The following USP44 variants were observed in gnomAD, a reference collection of about 807,000 sequenced individuals.
USP44 encodes ubiquitin carboxyl-terminal hydrolase 44.
A neutral mutation model predicts 69.0 loss-of-function variants in USP44; 61 were observed. That is an observed-to-expected ratio of 0.88 (90% CI 0.72 to 1.09). USP44 has a LOEUF of 1.09. Among genes scored for constraint, USP44 ranks in the 50% least tolerant of loss-of-function variants. The pLI is 0.00. For synonymous variants in USP44, 297 were observed against 295.4 expected, an observed-to-expected ratio of 1.01 and a Z score of -0.06; for missense variants, 753 against 849.9, an observed-to-expected ratio of 0.89 and a Z score of 1.42.
Position 95,533,361 on chromosome 12 carries a change from T to C in USP44, c.896A>G (p.Gln299Arg), listed in dbSNP as rs751343983. Residue 299 changes from glutamine (Q) to arginine (R), a missense_variant, in exon 2 of 6, where the codon CAA becomes CGA. By Grantham distance (43) the Gln-to-Arg change is conservative (BLOSUM62 1). Coordinates refer to ENST00000258499, the MANE Select transcript of USP44 (RefSeq NM_032147.5). ...QVLSHLLIFR[Q>R]CFLKLDLNQW... ...GTTCAGATCAAGCTTTAAAAAACAT[T>C]GTCGAAAAATAAGTAAATGACTCAA... The C allele has an allele frequency of 2.5e-6, 4 of 1,613,122 alleles. No homozygotes were observed. In the East Asian group the frequency reaches 8.9e-5, roughly 36 times the overall value.
At chr12:95,529,438 T>G (rs1206311926) in intron 2 of USP44, among the ~76,000 whole-genome samples, 1 of 151,828 alleles carries the variant, frequency 6.6e-6, no homozygotes, top group Non-Finnish European at 1.5e-5. Flanking sequence ...TCTTTTTTTT[T>G]TTTGAGATGG....
At chr12:95,530,070 T>A (rs2076971098) in intron 2 of USP44, among the ~76,000 whole-genome samples, 1 of 152,172 alleles carries the variant, frequency 6.6e-6, no homozygotes, top group Admixed American at 6.5e-5. Flanking sequence ...TGCACATAAT[T>A]GAAGACAGAC....
intron 2 of USP44, 126 bp from the exon 3 acceptor site, chr12:95,529,128 A>G (rs1277752057): frequency 7.5e-6 from 6 of 797,422 alleles, no homozygotes; most frequent in Admixed American, 3.4e-5. Flanking sequence ...ATTCTGAATA[A>G]TCTGCTTTAT....
chr12:95,524,049 GTATTTT>G (rs1209779460), intron 4 of USP44, among the ~76,000 whole-genome samples: 2 of 151,630 alleles, frequency 1.3e-5, no homozygotes, highest in African/African-American at 4.8e-5. Context: ...GCTAATTTTT[GTATTTT>G]TATTTTTATG....
intron 1 of USP44, among the ~76,000 whole-genome samples, chr12:95,537,127 G>A (rs2077231463): frequency 1.3e-5 from 2 of 152,176 alleles, no homozygotes; most frequent in Non-Finnish European, 2.9e-5. Flanking sequence ...AAAGCTGCAG[G>A]AGTATAGCAG....
Position 95,517,070 on chromosome 12 carries a change from G to T in USP44, c.*1084C>A, listed in dbSNP as rs301025. Reference sequence around the variant, plus strand: ...AGTGACTCACACTGTATTTTTTTTTGTGCAAGTTTAGATAGATAGCTTTTA... The same window carrying T: ...AGTGACTCACACTGTATTTTTTTTTTTGCAAGTTTAGATAGATAGCTTTTA... On this transcript the variant is annotated 3_prime_UTR_variant, in exon 6 of 6. Coordinates refer to ENST00000258499, the MANE Select transcript of USP44 (RefSeq NM_032147.5). 0.63 allele frequency: 94,382 copies of T among 149,008 alleles called. 30,630 individuals carry two copies. Among genetic ancestry groups the T allele is most frequent in the African/African-American group, 0.79 (31,862 of 40,164 alleles). 9.2% of individuals were successfully genotyped at this position (149,008 alleles called of 1,614,324 possible).
intron 4 of USP44, chr12:95,522,084 C>A (rs529627289): frequency 5.1e-6 from 5 of 985,360 alleles, no homozygotes; most frequent in East Asian, 1.1e-4. Flanking sequence ...GCATGGCAAG[C>A]AATGTGTTTA....
intron 1 of USP44, among the ~76,000 whole-genome samples, chr12:95,543,424 A>AG (rs1361968891): frequency 5.3e-5 from 8 of 149,870 alleles, no homozygotes; most frequent in East Asian, 1.9e-4. Flanking sequence ...AAAAAAAAAA[A>AG]AAAAGAAAAA....
Position 95,534,155 on chromosome 12 carries a change from C to G in USP44, c.102G>C (p.Thr34=). ...PQKWHCVDCN[T]TESIWACLSC... ...TAAGGCAAGCCCAAATGGACTCGGTCGTGTTGCAGTCCACACAGTGCCATT... is the reference window on the plus strand; with the variant it reads ...TAAGGCAAGCCCAAATGGACTCGGTGGTGTTGCAGTCCACACAGTGCCATT... Residue 34 remains threonine (T), a synonymous_variant, in exon 2 of 6, where the codon ACG becomes ACC. Transcript: ENST00000258499. 2 of 1,614,106 alleles carry G rather than the reference C, an allele frequency of 1.2e-6. No individual in the cohort carries two copies. Among genetic ancestry groups the G allele is most frequent in the Non-Finnish European group, 1.7e-6 (2 of 1,180,006 alleles).
intron 5 of USP44, among the ~76,000 whole-genome samples, chr12:95,520,411 G>A (rs1592663022): frequency 6.6e-6 from 1 of 151,978 alleles, no homozygotes; most frequent in African/African-American, 2.4e-5. Context: ...AGAATTGCTT[G>A]AACCCGGGAG....
At position 95,516,987 on chromosome 12, in the gene USP44, A is replaced by AAGTT. The variant is rs535902833; in HGVS notation, c.*1163_*1166dup. 6.6e-6 allele frequency: 1 copy of AAGTT among 152,114 alleles called. No individual in the cohort carries two copies. The highest frequency in any genetic ancestry group is 1.5e-5 in the Non-Finnish European group (1 of 67,998). 9.4% of individuals were successfully genotyped at this position (152,114 alleles called of 1,614,324 possible). Reference sequence around the variant, plus strand: ...GATTCTACCCTCTCCAAATAAGATAAAGTTAGCAGCAACAGGACTTTAAAG... The same window carrying AAGTT: ...GATTCTACCCTCTCCAAATAAGATAAAGTTAGTTAGCAGCAACAGGACTTTAAAG... On this transcript the variant is annotated 3_prime_UTR_variant, in exon 6 of 6. Transcript: ENST00000258499.
chr12:95,550,134 CACAA>C (rs1442222540), intron 1 of USP44, among the ~76,000 whole-genome samples: 1 of 145,448 alleles, frequency 6.9e-6, no homozygotes, highest in Non-Finnish European at 1.5e-5. Flanking sequence ...AGCCTAGATC[CACAA>C]TTGCACTCAA....
intron 1 of USP44, chr12:95,546,440 A>G (rs1191522223): frequency 1.3e-5 from 2 of 152,214 alleles, no homozygotes; most frequent in African/African-American, 4.8e-5. Flanking sequence ...ATCACCTTTT[A>G]GCCAGAAAGC....
intron 4 of USP44, among the ~76,000 whole-genome samples, chr12:95,522,389 T>C (rs2076693319): frequency 6.6e-6 from 1 of 152,190 alleles, no homozygotes; most frequent in South Asian, 2.1e-4. Flanking sequence ...ATAAGTCATA[T>C]TCCAATCTCT....
intron 1 of USP44, among the ~76,000 whole-genome samples, chr12:95,534,795 C>T (rs1010120773): frequency 6.6e-6 from 1 of 151,908 alleles, no homozygotes; most frequent in African/African-American, 2.4e-5. Context: ...TGTGCCTCAG[C>T]CTCCCGGGTA....
At chr12:95,529,030 A>G in intron 2 of USP44, 28 bp from the exon 3 acceptor site, 1 of 1,549,596 alleles carries the variant, frequency 6.5e-7, no homozygotes, top group Non-Finnish European at 8.7e-7. Context: ...AGTTCCTAAG[A>G]TTATAATCTT....
At chr12:95,518,441 G>A (rs1592654802) in intron 5 of USP44, 88 bp from the exon 6 acceptor site, 1 of 1,333,028 alleles carries the variant, frequency 7.5e-7, no homozygotes, top group Non-Finnish European at 1.0e-6. Flanking sequence ...TTTCTGAAGG[G>A]AAAATAATTT....
chr12:95,522,886 C>T (rs1022379771), intron 4 of USP44, among the ~76,000 whole-genome samples: 15 of 152,110 alleles, frequency 9.9e-5, no homozygotes, highest in South Asian at 4.2e-4. Context: ...AGGAAAGACC[C>T]GGGAATGACT....
intron 1 of USP44, among the ~76,000 whole-genome samples, chr12:95,541,802 C>T (rs1379095247): frequency 1.3e-5 from 2 of 151,928 alleles, no homozygotes; most frequent in Admixed American, 6.6e-5. Flanking sequence ...AGCTAACTTC[C>T]AGAACTCATC....
Sources: gnomAD v4.1 joint callset for allele counts (sites outside exome capture counted in the v4.1 genomes callset) on GRCh38, gnomAD v4.1.1 for gene constraint, MANE v1.5 for transcripts, NCBI Gene and HGNC (gene_info 2026-07-23, HGNC 2026-07-21) for gene names.